Variants in MNAT1 observed in about 807,000 individuals in gnomAD.
The protein encoded by MNAT1 is CDK-activating kinase assembly factor MAT1.
MNAT1 carries 43 observed loss-of-function variants against 42.0 expected under a neutral mutation model. That is an observed-to-expected ratio of 1.02 (90% CI 0.80 to 1.32). The LOEUF (loss-of-function observed/expected upper bound fraction) is 1.32, where lower values mean the gene tolerates loss of function less well. Ranked by LOEUF, MNAT1 falls within the 40% of genes most tolerant of loss-of-function variation. The probability of loss-of-function intolerance (pLI) is 0.00; values close to 1 mark genes in which losing one functional copy is unlikely to be tolerated. For missense variants in MNAT1, 306 were observed against 350.4 expected (o/e 0.87, Z 1.01); for synonymous variants, 118 against 120.0 (o/e 0.98, Z 0.11).
intron 7 of MNAT1, among the ~76,000 whole-genome samples, chr14:60,892,339 T>C (rs1213550801): frequency 6.6e-6 from 1 of 152,174 alleles, no homozygotes; most frequent in Non-Finnish European, 1.5e-5. Context: ...TTAACTAATA[T>C]GTTATGTTCT....
chr14:60,891,761 CTTGTTTTTT>C (rs1390523734), intron 7 of MNAT1, among the ~76,000 whole-genome samples: 1 of 151,998 alleles, frequency 6.6e-6, no homozygotes, highest in Non-Finnish European at 1.5e-5. Context: ...TCAGATTTTT[CTTGTTTTTT>C]AATGTTAGCA....
chr14:60,920,594 C>G (rs1424842174), intron 7 of MNAT1, among the ~76,000 whole-genome samples: 1 of 151,966 alleles, frequency 6.6e-6, no homozygotes, highest in Non-Finnish European at 1.5e-5. Flanking sequence ...AGGCCCACCA[C>G]TGTGCCCAGT....
intron 1 of MNAT1, among the ~76,000 whole-genome samples, chr14:60,781,837 T>C (rs1203508685): frequency 6.6e-6 from 1 of 152,104 alleles, no homozygotes; most frequent in Non-Finnish European, 1.5e-5. Context: ...TCTCTCCTTA[T>C]CTAGAAAGCA....
chr14:60,901,412 C>G (rs975257960), intron 7 of MNAT1, among the ~76,000 whole-genome samples: 1 of 152,198 alleles, frequency 6.6e-6, no homozygotes, highest in African/African-American at 2.4e-5. Flanking sequence ...GCACAACATC[C>G]ATTCTAAAGC....
intron 6 of MNAT1, among the ~76,000 whole-genome samples, chr14:60,859,530 A>G (rs1427474471): frequency 6.6e-6 from 1 of 152,212 alleles, no homozygotes; most frequent in Non-Finnish European, 1.5e-5. Flanking sequence ...ATTGGCCCAG[A>G]TAATCTCTGT....
At chr14:60,812,854 T>G (rs1437917421) in intron 5 of MNAT1, among the ~76,000 whole-genome samples, 3 of 152,124 alleles carry the variant, frequency 2.0e-5, no homozygotes. Flanking sequence ...TTTTCATCGC[T>G]CAATAAAATT....
intron 1 of MNAT1, among the ~76,000 whole-genome samples, chr14:60,763,497 C>T (rs2030693883): frequency 6.6e-6 from 1 of 152,004 alleles, no homozygotes; most frequent in African/African-American, 2.4e-5. Flanking sequence ...GTCTAATTTT[C>T]CCTGACTAAA....
At position 60,796,318 on chromosome 14, in the gene MNAT1, A is replaced by G; in HGVS notation, c.191A>G (p.Glu64Gly). The G allele has an allele frequency of 5.0e-6, 8 of 1,613,716 alleles. No individual in the cohort carries two copies. The highest frequency in any genetic ancestry group is 6.8e-6 in the Non-Finnish European group (8 of 1,179,738). Residue 64 changes from glutamate to glycine, a missense_variant, in exon 2 of 8, where the codon GAA becomes GGA. Physicochemically the swap from Glu to Gly is moderately conservative, Grantham distance 98 (BLOSUM62 -2). Transcript: ENST00000261245. ...RKSNFRVQLF[E>G]DPTVDKEVEI... Reference sequence around the variant, plus strand: ...AGCAACTTCAGGGTACAACTCTTTGAAGATCCCACTGTTGACAAGGAGGTT... The same window carrying G: ...AGCAACTTCAGGGTACAACTCTTTGGAGATCCCACTGTTGACAAGGAGGTT...
intron 6 of MNAT1, among the ~76,000 whole-genome samples, chr14:60,875,463 A>G (rs577642496): frequency 6.6e-6 from 1 of 152,230 alleles, no homozygotes; most frequent in African/African-American, 2.4e-5. Context: ...GCCATTAACT[A>G]CAGTATGATC....
chr14:60,818,472 G>C (rs1306382375), intron 5 of MNAT1, among the ~76,000 whole-genome samples: 1 of 151,884 alleles, frequency 6.6e-6, no homozygotes, highest in Admixed American at 6.6e-5. Context: ...TGGTTGGTTT[G>C]CTAGTTGAAA....
chr14:60,949,841 G>A lies in MNAT1; in HGVS notation c.810-18388G>A, dbSNP rs534330927. On this transcript the variant is annotated intron_variant, in intron 7 of 7. Transcript: ENST00000261245. The stretch of plus-strand genomic sequence containing the variant: ...AAAGTGATATTGTGGTTTTACTCTT[G>A]GAAGAAAGTACAAGTTTTCTGTGGG... 7.2e-5 allele frequency among the ~76,000 whole-genome samples: 11 copies of A among 151,972 alleles called. 1 individual carries two copies. The highest frequency in any genetic ancestry group is 7.2e-4 in the Admixed American group (11 of 15,278).
intron 7 of MNAT1, among the ~76,000 whole-genome samples, chr14:60,910,665 G>C (rs1218441783): frequency 6.6e-6 from 1 of 152,198 alleles, no homozygotes; most frequent in African/African-American, 2.4e-5. Context: ...TTGCATCCCA[G>C]GGATGAAGTC....
At chr14:60,887,464 T>TGAGTGGGA (rs1230321965) in intron 7 of MNAT1, among the ~76,000 whole-genome samples, 5 of 140,724 alleles carry the variant, frequency 3.6e-5, no homozygotes, top group Admixed American at 7.8e-5. Flanking sequence ...TGTTCCCACC[T>TGAGTGGGA]GTGAGTGAGA....
chr14:60,894,699 T>TTGG (rs200868944), intron 7 of MNAT1, among the ~76,000 whole-genome samples: 1 of 152,062 alleles, frequency 6.6e-6, no homozygotes, highest in South Asian at 2.1e-4. Context: ...TGTGTGTCTG[T>TTGG]TGGTGGTGGT....
In MNAT1 at chr14:60,932,896, C is replaced by G. The variant is rs575332610; in HGVS notation, c.810-35333C>G. Among the ~76,000 whole-genome samples, 19 of 152,066 alleles carry G rather than the reference C, an allele frequency of 1.2e-4. 1 individual carries two copies. In the South Asian group the frequency reaches 3.7e-3, roughly 30 times the overall value. On this transcript the variant is annotated intron_variant, in intron 7 of 7. Coordinates refer to ENST00000261245, the MANE Select transcript of MNAT1 (RefSeq NM_002431.4). ...ATAAATATAACCATAATCTTAAAAA[C>G]AAAACTTTGAAGATATATGAATCAC...
chr14:60,844,603 T>A (rs1445294577), intron 6 of MNAT1, among the ~76,000 whole-genome samples: 1 of 152,108 alleles, frequency 6.6e-6, no homozygotes, highest in Non-Finnish European at 1.5e-5. Flanking sequence ...TTAGATTTTT[T>A]AGGATTGTTT....
chr14:60,952,940 G>T (rs1176210778), intron 7 of MNAT1, among the ~76,000 whole-genome samples: 2 of 152,096 alleles, frequency 1.3e-5, no homozygotes, highest in Admixed American at 1.3e-4. Flanking sequence ...TAGGAGTGTG[G>T]CCCGGGGCAT....
chr14:60,907,554 G>A (rs1357737349), intron 7 of MNAT1, among the ~76,000 whole-genome samples: 2 of 151,586 alleles, frequency 1.3e-5, no homozygotes, highest in South Asian at 2.1e-4. Context: ...GCCTAAGCGG[G>A]CAGATCACCT....
intron 6 of MNAT1, among the ~76,000 whole-genome samples, chr14:60,822,816 A>T (rs2032936998): frequency 6.6e-6 from 1 of 151,816 alleles, no homozygotes; most frequent in Admixed American, 6.6e-5. Flanking sequence ...GAGTGCAGTG[A>T]CACAATCTGG....
Sources: gnomAD v4.1 joint callset for allele counts (sites outside exome capture counted in the v4.1 genomes callset) on GRCh38, gnomAD v4.1.1 for gene constraint, MANE v1.5 for transcripts, NCBI Gene and HGNC (gene_info 2026-07-23, HGNC 2026-07-21) for gene names.